SOS1: variants seen among roughly 807,000 people sequenced by gnomAD.
The protein encoded by SOS1 is SOS Ras/Rac guanine nucleotide exchange factor 1, also known as son of sevenless homolog 1.
SOS1 carries 25 observed loss-of-function variants against 157.6 expected under a neutral mutation model. That is an observed-to-expected ratio of 0.16 (90% CI 0.12 to 0.22). The LOEUF is 0.22. Ranked by LOEUF, SOS1 falls within the 10% of genes least tolerant of loss-of-function variation. The pLI, the probability that SOS1 is intolerant of heterozygous loss-of-function variation, is 1.00. For missense variants in SOS1, 1,237 were observed against 1,599.1 expected (o/e 0.77, Z 3.86); for synonymous variants, 528 against 534.0 (o/e 0.99, Z 0.16).
rs1671453046 is a variant in SOS1 at position 39,062,727 on chromosome 2, C to T, written c.214-3923G>A. Among the ~76,000 whole-genome samples, 3 of 151,736 alleles carry T rather than the reference C, an allele frequency of 2.0e-5. No individual in the cohort carries two copies. The East Asian group carries it at 5.8e-4, about 29-fold the overall frequency. Reference sequence around the variant, plus strand: ...GAACAACAAAGGAAATCAGTCCAGTCAAGTAAAGAACAAGTACAATTATGA... The same window carrying T: ...GAACAACAAAGGAAATCAGTCCAGTTAAGTAAAGAACAAGTACAATTATGA... On this transcript the variant is annotated intron_variant, in intron 2 of 22. Coordinates refer to ENST00000402219, the MANE Select transcript of SOS1 (RefSeq NM_005633.4).
At chr2:39,069,933 T>C (rs1671741177) in intron 1 of SOS1, among the ~76,000 whole-genome samples, 1 of 152,216 alleles carries the variant, frequency 6.6e-6, no homozygotes, top group South Asian at 2.1e-4. Flanking sequence ...TTTGATCATA[T>C]TGACTACAAC....
At chr2:39,116,737 C>T (rs1409112415) in intron 1 of SOS1, among the ~76,000 whole-genome samples, 1 of 152,056 alleles carries the variant, frequency 6.6e-6, no homozygotes, top group Non-Finnish European at 1.5e-5. Flanking sequence ...AGTGTGCCTA[C>T]AGTCTCAGGA....
At chr2:39,026,623 A>C (rs1160964277) in intron 8 of SOS1, among the ~76,000 whole-genome samples, 1 of 152,200 alleles carries the variant, frequency 6.6e-6, no homozygotes, top group Non-Finnish European at 1.5e-5. Context: ...GTAATCTCTC[A>C]AAGTACCTTC....
intron 1 of SOS1, among the ~76,000 whole-genome samples, chr2:39,092,552 C>T (rs566497184): frequency 1.3e-5 from 2 of 152,292 alleles, no homozygotes; most frequent in African/African-American, 4.8e-5. Context: ...TCTAAAACTA[C>T]AGTATTTCTT....
At chr2:39,009,764 G>A (rs901873528) in intron 15 of SOS1, among the ~76,000 whole-genome samples, 3 of 152,060 alleles carry the variant, frequency 2.0e-5, no homozygotes, top group Admixed American at 2.0e-4. Context: ...AGGGAATAGA[G>A]CTACATAGGA....
In SOS1 at chr2:38,985,683, ATTGTCTTATACTGCATC is replaced by A; in HGVS notation, c.*124_*140del. On this transcript the variant is annotated 3_prime_UTR_variant, in exon 23 of 23. Coordinates refer to ENST00000402219, the MANE Select transcript of SOS1 (RefSeq NM_005633.4). ...TATAATTACATCTAGGTTAAAATTCATTGTCTTATACTGCATCTTGAAGAAGAGTCGTTAGTGTTTGG... is the reference window on the plus strand; with the variant it reads ...TATAATTACATCTAGGTTAAAATTCATTGAAGAAGAGTCGTTAGTGTTTGG... 1.0e-6 allele frequency: 1 copy of A among 980,640 alleles called. No homozygotes were observed. Among genetic ancestry groups the A allele is most frequent in the Non-Finnish European group, 1.6e-6 (1 of 619,254 alleles). The allele number at this position is 980,640 out of a possible 1,614,324, so 60.7% of individuals were successfully genotyped here.
At chr2:39,092,323 T>C (rs561590859) in intron 1 of SOS1, among the ~76,000 whole-genome samples, 1 of 152,272 alleles carries the variant, frequency 6.6e-6, no homozygotes, top group South Asian at 2.1e-4. Flanking sequence ...CAAGCTTGTC[T>C]TGCTTCAAGA....
At chr2:39,015,015 A>G (rs1669587277) in intron 10 of SOS1, among the ~76,000 whole-genome samples, 169 bp from the exon 11 acceptor site, 1 of 152,106 alleles carries the variant, frequency 6.6e-6, no homozygotes, top group Non-Finnish European at 1.5e-5. Context: ...AGTGCCTCCT[A>G]AATTAGTGGT....
chr2:39,039,975 C>A (rs1007281327), intron 6 of SOS1, among the ~76,000 whole-genome samples: 1 of 152,038 alleles, frequency 6.6e-6, no homozygotes, highest in East Asian at 1.9e-4. Context: ...CAAAGTTCAT[C>A]CATGTTGTAG....
chr2:39,043,159 C>T (rs1670631957), intron 6 of SOS1, among the ~76,000 whole-genome samples: 1 of 152,078 alleles, frequency 6.6e-6, no homozygotes, highest in Admixed American at 6.6e-5. Flanking sequence ...AAGAAAGTTC[C>T]CTTCTATTGC....
In SOS1 at chr2:39,054,796, C is replaced by T; in HGVS notation, c.538G>A (p.Val180Ile). The change falls in exon 5 of 23, where the codon GTA becomes ATA. Residue 180 changes from valine (V) to isoleucine (I), a missense_variant. Coordinates refer to ENST00000402219, the MANE Select transcript of SOS1 (RefSeq NM_005633.4). Reference sequence around the variant, plus strand: ...AAAGATAATATATTAATATCTTCTACATCTTGATGAAACATATCCATCAAT... The same window carrying T: ...AAAGATAATATATTAATATCTTCTATATCTTGATGAAACATATCCATCAAT... ...KVLMDMFHQD[V>I]EDINILSLTD... 2 of 1,538,616 alleles carry T rather than the reference C, an allele frequency of 1.3e-6. No homozygotes were observed. Among genetic ancestry groups the T allele is most frequent in the Non-Finnish European group, 1.8e-6 (2 of 1,111,522 alleles).
intron 6 of SOS1, 23 bp downstream of exon 6, chr2:39,051,121 G>T (rs531748599): frequency 6.2e-7 from 1 of 1,610,228 alleles, no homozygotes; most frequent in Admixed American, 1.7e-5. Flanking sequence ...CAGACTTTTC[G>T]GGTATATAAT....
chr2:39,080,548 A>G (rs920231948), intron 1 of SOS1, among the ~76,000 whole-genome samples: 5 of 152,236 alleles, frequency 3.3e-5, no homozygotes, highest in Admixed American at 1.3e-4. Flanking sequence ...AATTAAAATA[A>G]TATTTTTCTA....
chr2:39,091,095 C>G (rs949379678), intron 1 of SOS1, among the ~76,000 whole-genome samples: 22 of 152,304 alleles, frequency 1.4e-4, no homozygotes, highest in African/African-American at 5.3e-4. Flanking sequence ...TCTCAAACCC[C>G]TGACTTCAGG....
At position 39,038,847 on chromosome 2, in the gene SOS1, C is replaced by T. The variant is rs141121334; in HGVS notation, c.865-3347G>A. Among the ~76,000 whole-genome samples the T allele has an allele frequency of 3.1e-3, 467 of 150,754 alleles. 2 individuals carry two copies. The highest frequency in any genetic ancestry group is 5.2e-3 in the Admixed American group (78 of 15,078). ...TATTACATCAACTTAGTTGATAAAACGGTGGCAGAGTTTGAGAGGATTGAC... is the reference window on the plus strand; with the variant it reads ...TATTACATCAACTTAGTTGATAAAATGGTGGCAGAGTTTGAGAGGATTGAC... On this transcript the variant is annotated intron_variant, in intron 6 of 22. Coordinates refer to ENST00000402219, the MANE Select transcript of SOS1 (RefSeq NM_005633.4).
chr2:39,072,159 C>A lies in SOS1; in HGVS notation c.88-4406G>T, dbSNP rs544078445. ...GTCCTTATACTCTTACTGGGTTAAT[C>A]CCTATACTATATATCACATTTCTGT... On this transcript the variant is annotated intron_variant, in intron 1 of 22. Coordinates refer to ENST00000402219, the MANE Select transcript of SOS1 (RefSeq NM_005633.4). Among the ~76,000 whole-genome samples the A allele has an allele frequency of 1.9e-4, 29 of 152,202 alleles. 1 individual carries two copies. The South Asian group carries it at 6.0e-3, about 32-fold the overall frequency.
chr2:39,107,595 C>T (rs577234930), intron 1 of SOS1, among the ~76,000 whole-genome samples: 1 of 149,922 alleles, frequency 6.7e-6, no homozygotes, highest in Non-Finnish European at 1.5e-5. Context: ...CCCATCTTGG[C>T]ATCTGCTTCT....
At chr2:39,001,609 C>T (rs1431734603) in intron 17 of SOS1, among the ~76,000 whole-genome samples, 1 of 152,126 alleles carries the variant, frequency 6.6e-6, no homozygotes, top group Non-Finnish European at 1.5e-5. Context: ...AAACCAGTAT[C>T]CAGAATTTAG....
chr2:39,074,859 G>A (rs1671913431), intron 1 of SOS1, among the ~76,000 whole-genome samples: 1 of 142,518 alleles, frequency 7.0e-6, no homozygotes, highest in African/African-American at 2.6e-5. Context: ...AAGAGCAAAA[G>A]TCTGCCTCAA....
Sources: gnomAD v4.1 joint callset for allele counts (sites outside exome capture counted in the v4.1 genomes callset) on GRCh38, gnomAD v4.1.1 for gene constraint, MANE v1.5 for transcripts, NCBI Gene and HGNC (gene_info 2026-07-23, HGNC 2026-07-21) for gene names.